CDK15: variants seen among roughly 807,000 people sequenced by gnomAD.
The protein encoded by CDK15 is cyclin-dependent kinase 15.
A neutral mutation model predicts 60.3 loss-of-function variants in CDK15; 62 were observed. The observed-to-expected ratio is 1.03, with a 90% CI of 0.84 to 1.27. The LOEUF is 1.27. CDK15 is among the 50% of genes most tolerant of loss of function. The pLI is 0.00. For missense variants in CDK15, 541 were observed against 527.8 expected (o/e 1.03, Z -0.25); for synonymous variants, 194 against 195.7 (o/e 0.99, Z 0.07).
At chr2:201,861,706 G>A (rs536532069) in intron 10 of CDK15, among the ~76,000 whole-genome samples, 2 of 151,930 alleles carry the variant, frequency 1.3e-5, no homozygotes, top group East Asian at 1.9e-4. Flanking sequence ...GAATACAGGC[G>A]CACGCCACTG....
At chr2:201,876,910 G>A (rs572892852) in intron 11 of CDK15, among the ~76,000 whole-genome samples, 9 of 152,008 alleles carry the variant, frequency 5.9e-5, no homozygotes, top group East Asian at 1.9e-4. Flanking sequence ...TGATTCTCCC[G>A]CCTCAGCCCC....
At chr2:201,885,012 G>A (rs968280665) in intron 12 of CDK15, among the ~76,000 whole-genome samples, 2 of 152,186 alleles carry the variant, frequency 1.3e-5, no homozygotes, top group African/African-American at 4.8e-5. Flanking sequence ...TTGTGAGTGG[G>A]CCTTGAAAGA....
chr2:201,858,888 G>A (rs1199599224), intron 10 of CDK15, among the ~76,000 whole-genome samples: 1 of 152,124 alleles, frequency 6.6e-6, no homozygotes, highest in Non-Finnish European at 1.5e-5. Flanking sequence ...GTGTTGCTCT[G>A]TGACCCCCCA....
At chr2:201,836,094 A>ATATATTTT (rs1697049199) in intron 8 of CDK15, among the ~76,000 whole-genome samples, 3 of 121,028 alleles carry the variant, frequency 2.5e-5, no homozygotes, top group African/African-American at 9.9e-5. Flanking sequence ...TTATATATTT[A>ATATATTTT]TATATATTTA....
intron 12 of CDK15, chr2:201,888,721 T>C: frequency 8.1e-7 from 1 of 1,234,432 alleles, no homozygotes; most frequent in Non-Finnish European, 1.0e-6. Flanking sequence ...AGTGTCTCTC[T>C]CTCTCTCCCT....
chr2:201,822,233 C>T (rs1201947615), intron 4 of CDK15, among the ~76,000 whole-genome samples: 3 of 152,230 alleles, frequency 2.0e-5, no homozygotes, highest in Non-Finnish European at 4.4e-5. Context: ...TTCACATTTT[C>T]TCCTTTCCAC....
intron 4 of CDK15, among the ~76,000 whole-genome samples, chr2:201,816,460 T>G (rs1416169642): frequency 1.4e-5 from 2 of 143,226 alleles, no homozygotes; most frequent in Non-Finnish European, 3.0e-5. Context: ...AAATGGTTTT[T>G]TTTTTTTTTT....
chr2:201,825,677 A>G (rs901938471), intron 6 of CDK15, among the ~76,000 whole-genome samples: 1 of 152,190 alleles, frequency 6.6e-6, no homozygotes, highest in South Asian at 2.1e-4. Context: ...TGGCAATTTA[A>G]ATAGAGGAGC....
chr2:201,841,827 A>C (rs1164113677), intron 8 of CDK15, among the ~76,000 whole-genome samples: 1 of 152,204 alleles, frequency 6.6e-6, no homozygotes, highest in African/African-American at 2.4e-5. Context: ...TTATTCCCAA[A>C]GCTCCCAACC....
intron 6 of CDK15, 56 bp from the exon 7 acceptor site, chr2:201,833,792 C>T (rs1359829407): frequency 1.2e-5 from 18 of 1,542,646 alleles, no homozygotes; most frequent in Admixed American, 5.5e-5. Context: ...GATTTAGAGG[C>T]GAAATCAGCA....
chr2:201,827,840 G>T (rs1696575232), intron 6 of CDK15, among the ~76,000 whole-genome samples: 1 of 152,194 alleles, frequency 6.6e-6, no homozygotes, highest in Non-Finnish European at 1.5e-5. Context: ...GACTCAACAA[G>T]TCTGGGTTTA....
chr2:201,812,271 T>C (rs1695811073), intron 3 of CDK15, among the ~76,000 whole-genome samples: 1 of 151,722 alleles, frequency 6.6e-6, no homozygotes, highest in African/African-American at 2.4e-5. Flanking sequence ...GACATATATA[T>C]ATATATCACT....
In CDK15 at chr2:201,894,236, T is replaced by C. The variant is rs1305911160; in HGVS notation, c.*969T>C. 2 of 152,184 alleles carry C rather than the reference T, an allele frequency of 1.3e-5. No homozygotes were observed. The highest frequency in any genetic ancestry group is 6.5e-5 in the Admixed American group (1 of 15,272). 9.4% of individuals were successfully genotyped at this position (152,184 alleles called of 1,614,324 possible). Reference sequence around the variant, plus strand: ...TGTCCAGGGATCATCTCAGGAAATGTAGCAGCCTAGAAACCAGAGACCTCT... The same window carrying C: ...TGTCCAGGGATCATCTCAGGAAATGCAGCAGCCTAGAAACCAGAGACCTCT... On this transcript the variant is annotated 3_prime_UTR_variant, in exon 14 of 14. Coordinates refer to ENST00000652192, the MANE Select transcript of CDK15 (RefSeq NM_001366386.2).
intron 11 of CDK15, among the ~76,000 whole-genome samples, chr2:201,875,390 C>T (rs1051171313): frequency 2.0e-5 from 3 of 150,734 alleles, no homozygotes; most frequent in Non-Finnish European, 4.4e-5. Context: ...GCTCTTCTAG[C>T]TGATAGTATG....
rs929718479 is a variant in CDK15, at chr2:201,811,188, T to C, written c.369-1295T>C. ...TTTTTTGAGACGGAGTCTTGCTCTG[T>C]CGCCCAGGCTGGAGTGCAGTGGCAC... On this transcript the variant is annotated intron_variant, in intron 3 of 13. Coordinates refer to ENST00000652192, the MANE Select transcript of CDK15 (RefSeq NM_001366386.2). 6.8e-4 allele frequency among the ~76,000 whole-genome samples: 100 copies of C among 148,098 alleles called. 1 individual carries two copies. The highest frequency in any genetic ancestry group is 2.5e-3 in the African/African-American group (99 of 40,000).
intron 10 of CDK15, among the ~76,000 whole-genome samples, chr2:201,863,793 G>T (rs1228159409): frequency 6.6e-6 from 1 of 152,190 alleles, no homozygotes; most frequent in Non-Finnish European, 1.5e-5. Context: ...CTACTCAGGA[G>T]ACTGAGGCAG....
rs1699219972 is a variant in CDK15 at position 201,880,087 on chromosome 2, G to A, written c.1118G>A (p.Arg373Lys). 4 of 1,614,022 alleles carry A rather than the reference G, an allele frequency of 2.5e-6. No individual in the cohort carries two copies. The highest frequency in any genetic ancestry group is 3.4e-6 in the Non-Finnish European group (4 of 1,180,020). The change falls in exon 12 of 14, where the codon AGA becomes AAA. Residue 373 changes from arginine (R) to lysine (K), a missense_variant. Coordinates refer to ENST00000652192, the MANE Select transcript of CDK15 (RefSeq NM_001366386.2). The part of the protein sequence containing the change: ...LASQMLKGFP[R>K]DRVSAQEALV... The stretch of plus-strand genomic sequence containing the variant: ...TCCCAGATGCTAAAAGGCTTTCCCA[G>A]AGACCGCGTCTCCGCCCAGGAAGCA...
chr2:201,889,215 T>A, intron 12 of CDK15: 1 of 985,402 alleles, frequency 1.0e-6, no homozygotes, highest in East Asian at 1.1e-4. Flanking sequence ...TTTGGTGCAG[T>A]AATAACAGAA....
At chr2:201,840,088 G>A (rs1463771505) in intron 8 of CDK15, among the ~76,000 whole-genome samples, 2 of 151,810 alleles carry the variant, frequency 1.3e-5, no homozygotes, top group African/African-American at 2.4e-5. Context: ...GGGTTCAAGC[G>A]ATTCTCCTGC....
Sources: allele counts gnomAD v4.1 joint callset (sites outside exome capture counted in the v4.1 genomes callset), GRCh38; gene constraint gnomAD v4.1.1; transcripts MANE v1.5; gene names NCBI Gene and HGNC (gene_info 2026-07-23, HGNC 2026-07-21).